The following LRP6 variants were observed in gnomAD, a reference collection of about 807,000 sequenced individuals.
LRP6 encodes LDL receptor related protein 6, also known as low-density lipoprotein receptor-related protein 6.
In LRP6, 43 loss-of-function variants were observed where a neutral mutation model predicts 184.1. The observed-to-expected ratio is 0.23, with a 90% confidence interval of 0.18 to 0.30. The LOEUF (loss-of-function observed/expected upper bound fraction) is 0.30, where lower values mean the gene tolerates loss of function less well. Among genes scored for constraint, LRP6 ranks in the 10% least tolerant of loss-of-function variants. LRP6 has a pLI of 1.00. For synonymous variants in LRP6, 719 were observed against 684.9 expected, an observed-to-expected ratio of 1.05 and a Z score of -0.78; for missense variants, 1,571 against 2,005.3, an observed-to-expected ratio of 0.78 and a Z score of 4.14.
At chr12:12,258,771 T>C (rs1055502701) in intron 1 of LRP6, among the ~76,000 whole-genome samples, 3 of 152,224 alleles carry the variant, frequency 2.0e-5, no homozygotes, top group African/African-American at 7.2e-5. Context: ...GGATATACAG[T>C]ACTTAAATTA....
rs1023271489 is a variant in LRP6, at chr12:12,148,373, T to C, written c.3206+569A>G. ...ATATTTAACGTCTAGATTTCATCCTTTTCCTCTCTTTTGAAGTAAGCTACT... is the reference window on the plus strand; with the variant it reads ...ATATTTAACGTCTAGATTTCATCCTCTTCCTCTCTTTTGAAGTAAGCTACT... On this transcript the variant is annotated intron_variant, in intron 14 of 22. Coordinates refer to ENST00000261349, the MANE Select transcript of LRP6 (RefSeq NM_002336.3). Among the ~76,000 whole-genome samples the C allele has an allele frequency of 5.3e-5, 8 of 152,176 alleles. No individual in the cohort carries two copies. In the South Asian group the frequency reaches 1.4e-3, roughly 28 times the overall value.
intron 3 of LRP6, among the ~76,000 whole-genome samples, chr12:12,193,727 G>C (rs1863677917): frequency 1.3e-5 from 2 of 152,014 alleles, no homozygotes. Context: ...CAAGGAAATT[G>C]AATTTGTAAT....
Position 12,198,376 on chromosome 12 carries a change from G to A in LRP6, c.647+4827C>T, listed in dbSNP as rs145742520. Among the ~76,000 whole-genome samples, 11 of 151,822 alleles carry A rather than the reference G, an allele frequency of 7.2e-5. No individual in the cohort carries two copies. The East Asian group carries it at 2.1e-3, about 29-fold the overall frequency. ...CTCTCAAATCATCTTTTGTCTTTCT[G>A]TATTTCTTTTTGGTCTTTAAATTTT... On this transcript the variant is annotated intron_variant, in intron 3 of 22. Transcript: ENST00000261349.
At chr12:12,144,920 G>A in intron 15 of LRP6, among the ~76,000 whole-genome samples, 1 of 151,280 alleles carries the variant, frequency 6.6e-6, no homozygotes, top group Non-Finnish European at 1.5e-5. Context: ...TCGGGGGGTG[G>A]GGGGCTAGGG....
intron 3 of LRP6, among the ~76,000 whole-genome samples, chr12:12,189,141 T>C (rs1350551596): frequency 1.3e-5 from 2 of 152,326 alleles, no homozygotes; most frequent in East Asian, 3.9e-4. Flanking sequence ...GCTATATTCA[T>C]TTTATATATT....
chr12:12,217,951 T>C (rs1864391246), intron 2 of LRP6, among the ~76,000 whole-genome samples: 1 of 152,100 alleles, frequency 6.6e-6, no homozygotes, highest in African/African-American at 2.4e-5. Context: ...TAAATATTCA[T>C]GATCCAGAAT....
rs533388054 is a variant in LRP6, at chr12:12,183,782, C to T, written c.976+198G>A. On this transcript the variant is annotated intron_variant, in intron 5 of 22. Coordinates refer to ENST00000261349, the MANE Select transcript of LRP6 (RefSeq NM_002336.3). ...TTTCAAAAATATGTTATTTAAAACACTAAAATAATTTATAAAATAGCATTC... is the reference window on the plus strand; with the variant it reads ...TTTCAAAAATATGTTATTTAAAACATTAAAATAATTTATAAAATAGCATTC... Among the ~76,000 whole-genome samples the T allele has an allele frequency of 2.4e-4, 37 of 152,200 alleles. 1 individual carries two copies. In the South Asian group the frequency reaches 7.0e-3, roughly 29 times the overall value.
At chr12:12,146,192 G>A (rs914278147) in intron 15 of LRP6, among the ~76,000 whole-genome samples, 6 of 152,086 alleles carry the variant, frequency 3.9e-5, no homozygotes, top group African/African-American at 7.2e-5. Context: ...CACTTACATC[G>A]GTCTTTCTCT....
intron 2 of LRP6, among the ~76,000 whole-genome samples, chr12:12,232,102 G>A (rs377037495): frequency 6.6e-5 from 10 of 152,008 alleles, no homozygotes; most frequent in East Asian, 5.8e-4. Flanking sequence ...TTAAGTGGTC[G>A]GCTGGGCACG....
At chr12:12,248,348 A>G (rs978500234) in intron 1 of LRP6, among the ~76,000 whole-genome samples, 2 of 152,044 alleles carry the variant, frequency 1.3e-5, no homozygotes, top group African/African-American at 2.4e-5. Flanking sequence ...ATTGGTATAT[A>G]TACTTCACAC....
intron 2 of LRP6, among the ~76,000 whole-genome samples, chr12:12,222,216 T>G (rs1418699626): frequency 6.6e-6 from 1 of 152,184 alleles, no homozygotes; most frequent in East Asian, 1.9e-4. Flanking sequence ...CACTATAACC[T>G]TTCAAGCTTT....
At chr12:12,137,559 C>A (rs985250123) in intron 16 of LRP6, among the ~76,000 whole-genome samples, 1 of 152,012 alleles carries the variant, frequency 6.6e-6, no homozygotes, top group South Asian at 2.1e-4. Context: ...TGTTTACACA[C>A]TAATTTTTAG....
At chr12:12,181,470 T>A in intron 5 of LRP6, 31 bp from the exon 6 acceptor site, 1 of 961,400 alleles carries the variant, frequency 1.0e-6, no homozygotes, top group Non-Finnish European at 1.7e-6. Flanking sequence ...GAAGAATACT[T>A]TGAAACCCAG....
At chr12:12,125,231 T>G in intron 21 of LRP6, 65 bp downstream of exon 21, 1 of 1,589,086 alleles carries the variant, frequency 6.3e-7, no homozygotes, top group Non-Finnish European at 8.6e-7. Flanking sequence ...ATCACCCACA[T>G]TTAAATGAGT....
chr12:12,217,476 G>A (rs1023537308), intron 2 of LRP6, among the ~76,000 whole-genome samples: 1 of 152,120 alleles, frequency 6.6e-6, no homozygotes, highest in Non-Finnish European at 1.5e-5. Context: ...TAAAGGTAAT[G>A]TGCTTAAGTC....
chr12:12,179,780 G>A (rs1863296310), intron 7 of LRP6, 30 bp downstream of exon 7: 1 of 1,610,288 alleles, frequency 6.2e-7, no homozygotes, highest in African/African-American at 1.3e-5. Context: ...TTATAAAAGT[G>A]GCTTGAAAAT....
intron 1 of LRP6, among the ~76,000 whole-genome samples, chr12:12,260,248 G>C (rs1036384943): frequency 1.3e-5 from 2 of 151,958 alleles, no homozygotes; most frequent in African/African-American, 4.8e-5. Flanking sequence ...GCGTGTTGGC[G>C]GGGCCTGCAG....
At chr12:12,191,129 T>G (rs1224599779) in intron 3 of LRP6, among the ~76,000 whole-genome samples, 1 of 152,218 alleles carries the variant, frequency 6.6e-6, no homozygotes. Flanking sequence ...CAACCAGCTA[T>G]GAGGTGTTCT....
rs58540250 is a variant in LRP6 at position 12,164,919 on chromosome 12, T to TA, written c.1762+159dup. ...CAACGTTTAAAAGGTCCCTTCTCAGTAAAAAAAAAAAAAAAAAAAAAAAAA... is the reference window on the plus strand; with the variant it reads ...CAACGTTTAAAAGGTCCCTTCTCAGTAAAAAAAAAAAAAAAAAAAAAAAAAA... On this transcript the variant is annotated intron_variant, in intron 8 of 22. Transcript: ENST00000261349. Among the ~76,000 whole-genome samples the TA allele has an allele frequency of 3.8e-3, 216 of 57,064 alleles. 35 individuals are homozygous for TA. Among genetic ancestry groups the TA allele is most frequent in the African/African-American group, 6.7e-3 (128 of 19,144 alleles). 37.4% of individuals were successfully genotyped at this position (57,064 alleles called of 152,430 possible).
Sources: allele counts gnomAD v4.1 joint callset (sites outside exome capture counted in the v4.1 genomes callset), GRCh38; gene constraint gnomAD v4.1.1; transcripts MANE v1.5; gene names NCBI Gene and HGNC (gene_info 2026-07-23, HGNC 2026-07-21).